The following CHMP4C variants were observed in gnomAD, a reference collection of about 807,000 sequenced individuals.
The protein encoded by CHMP4C is SNF7 homolog associated with Alix 3.
In CHMP4C, 28 loss-of-function variants were observed where a neutral mutation model predicts 29.0. The observed-to-expected ratio is 0.97, with a 90% CI of 0.72 to 1.32. The LOEUF is 1.32. Ranked by LOEUF, CHMP4C falls within the 40% of genes most tolerant of loss-of-function variation. The probability of loss-of-function intolerance (pLI) is 0.00; values close to 1 mark genes in which losing one functional copy is unlikely to be tolerated. For missense variants in CHMP4C, 291 were observed against 281.0 expected (o/e 1.04, Z -0.25); for synonymous variants, 106 against 102.4 (o/e 1.04, Z -0.21).
chr8:81,738,039 G>A (rs1271928277), intron 1 of CHMP4C, among the ~76,000 whole-genome samples: 1 of 152,202 alleles, frequency 6.6e-6, no homozygotes, highest in Admixed American at 6.5e-5. Context: ...ACTAGGGGCA[G>A]GTCAAGGATG....
rs116034942 is a variant in CHMP4C at position 81,749,877 on chromosome 8, G to A, written c.191-3187G>A. Among the ~76,000 whole-genome samples, 1,012 of 152,270 alleles carry A rather than the reference G, an allele frequency of 6.6e-3. 9 individuals carry two copies. The highest frequency in any genetic ancestry group is 0.023 in the African/African-American group (950 of 41,546). On this transcript the variant is annotated intron_variant, in intron 1 of 4. Transcript: ENST00000297265. ...GAACTTGTTGGATATTGGAGTAAAG[G>A]TCACTATTGCTATGCAAAGAGACTG...
At position 81,747,282 on chromosome 8, in the gene CHMP4C, T is replaced by G. The variant is rs1484404189; in HGVS notation, c.191-5782T>G. ...TTTTCTAGATTTTCAGAAAGTTATCTAAAATTAATTTTTACTAAGAAATAT... is the reference window on the plus strand; with the variant it reads ...TTTTCTAGATTTTCAGAAAGTTATCGAAAATTAATTTTTACTAAGAAATAT... On this transcript the variant is annotated intron_variant, in intron 1 of 4. Transcript: ENST00000297265. Among the ~76,000 whole-genome samples the G allele has an allele frequency of 3.3e-5, 5 of 151,958 alleles. No homozygotes were observed. In the South Asian group the frequency reaches 8.3e-4, roughly 25 times the overall value.
At chr8:81,736,200 G>A (rs1484913514) in intron 1 of CHMP4C, among the ~76,000 whole-genome samples, 2 of 151,798 alleles carry the variant, frequency 1.3e-5, no homozygotes, top group Non-Finnish European at 2.9e-5. Context: ...TTGTCACTTA[G>A]GCTGGATTGC....
At chr8:81,740,258 G>C (rs1254302510) in intron 1 of CHMP4C, among the ~76,000 whole-genome samples, 6 of 152,184 alleles carry the variant, frequency 3.9e-5, no homozygotes, top group Admixed American at 3.9e-4. Flanking sequence ...CAGTTTCATG[G>C]AAGACAATTT....
rs151092022 is a variant in CHMP4C, at chr8:81,749,649, A to G, written c.191-3415A>G. Among the ~76,000 whole-genome samples, 4 of 152,282 alleles carry G rather than the reference A, an allele frequency of 2.6e-5. No individual in the cohort carries two copies. The East Asian group carries it at 5.8e-4, about 22-fold the overall frequency. On this transcript the variant is annotated intron_variant, in intron 1 of 4. Transcript: ENST00000297265. ...TTTAATTCTACCTAAACCACTTAATACCTGTGTGTAATAATCATGATGCAT... is the reference window on the plus strand; with the variant it reads ...TTTAATTCTACCTAAACCACTTAATGCCTGTGTGTAATAATCATGATGCAT...
chr8:81,736,274 G>T (rs1006322617), intron 1 of CHMP4C, among the ~76,000 whole-genome samples: 14 of 150,880 alleles, frequency 9.3e-5, no homozygotes, highest in Non-Finnish European at 2.1e-4. Flanking sequence ...TTCCACCTCA[G>T]CTTCCTGAGT....
chr8:81,758,328 A>G, intron 4 of CHMP4C, 33 bp downstream of exon 4: 1 of 1,609,776 alleles, frequency 6.2e-7, no homozygotes, highest in East Asian at 2.2e-5. Flanking sequence ...ATGTGGTCAG[A>G]TAGTTGCCTA....
intron 1 of CHMP4C, among the ~76,000 whole-genome samples, chr8:81,736,330 T>C (rs1301044768): frequency 6.0e-5 from 9 of 151,044 alleles, no homozygotes. Flanking sequence ...TATTTAATTT[T>C]CTTTTTTTTT....
At chr8:81,755,283 A>G (rs1251652286) in intron 2 of CHMP4C, 87 bp from the exon 3 acceptor site, 1 of 583,710 alleles carries the variant, frequency 1.7e-6, no homozygotes, top group African/African-American at 1.9e-5. Flanking sequence ...TTTATATTAA[A>G]TGAACTGACT....
Position 81,759,452 on chromosome 8 carries a change from T to C in CHMP4C, c.*908T>C, listed in dbSNP as rs752417211. 8 of 151,966 alleles carry C rather than the reference T, an allele frequency of 5.3e-5. No individual in the cohort carries two copies. The highest frequency in any genetic ancestry group is 8.8e-5 in the Non-Finnish European group (6 of 67,980). The allele number at this position is 151,966 out of a possible 1,614,324, so 9.4% of individuals were successfully genotyped here. A position where few individuals can be genotyped will look rare whatever the true frequency, so the allele number is the denominator to read the frequency against. ...TGCTCTCTTGTACATTTATTTACCC[T>C]TTACAGAATATTTCTTGTAAATACA... On this transcript the variant is annotated 3_prime_UTR_variant, in exon 5 of 5. Transcript: ENST00000297265.
At chr8:81,747,137 C>T (rs1006230181) in intron 1 of CHMP4C, among the ~76,000 whole-genome samples, 1 of 152,132 alleles carries the variant, frequency 6.6e-6, no homozygotes, top group African/African-American at 2.4e-5. Flanking sequence ...GGTGAGGGAA[C>T]ATCACTTAAA....
rs529850829 is a variant in CHMP4C, at chr8:81,746,061, G to A, written c.191-7003G>A. Reference sequence around the variant, plus strand: ...CTGTCCAGCTCATGATGTATCAGTGGCATCATCGTTTCATATAAGGAACAG... The same window carrying A: ...CTGTCCAGCTCATGATGTATCAGTGACATCATCGTTTCATATAAGGAACAG... On this transcript the variant is annotated intron_variant, in intron 1 of 4. Transcript: ENST00000297265. 4.6e-5 allele frequency among the ~76,000 whole-genome samples: 7 copies of A among 152,104 alleles called. No homozygotes were observed. In the South Asian group the frequency reaches 1.4e-3, roughly 32 times the overall value.
intron 3 of CHMP4C, among the ~76,000 whole-genome samples, chr8:81,757,415 T>C (rs929228992): frequency 1.3e-5 from 2 of 152,184 alleles, no homozygotes; most frequent in African/African-American, 4.8e-5. Flanking sequence ...CTGAGAGGGG[T>C]TGGACTCTAC....
intron 1 of CHMP4C, among the ~76,000 whole-genome samples, chr8:81,741,324 G>T (rs968653246): frequency 6.6e-6 from 1 of 151,986 alleles, no homozygotes; most frequent in Non-Finnish European, 1.5e-5. Flanking sequence ...AGTTTATTGA[G>T]TCAATCAAAA....
intron 1 of CHMP4C, among the ~76,000 whole-genome samples, chr8:81,740,824 T>C (rs183417521): frequency 2.6e-4 from 40 of 152,338 alleles, no homozygotes; most frequent in African/African-American, 8.9e-4. Flanking sequence ...CAGGAGATTC[T>C]GTTTCAAGGG....
chr8:81,739,418 T>TGGCGG (rs1554592450), intron 1 of CHMP4C, among the ~76,000 whole-genome samples: 5 of 93,578 alleles, frequency 5.3e-5, no homozygotes, highest in East Asian at 4.4e-4. Context: ...TGGGGGATTG[T>TGGCGG]GGGGGGGGGT....
chr8:81,755,905 C>T (rs769175209), intron 3 of CHMP4C, among the ~76,000 whole-genome samples: 24 of 152,114 alleles, frequency 1.6e-4, no homozygotes, highest in Middle Eastern at 3.2e-3. Context: ...GGCTATGAAA[C>T]CAAATAAATG....
intron 1 of CHMP4C, among the ~76,000 whole-genome samples, chr8:81,734,420 G>A (rs541397398): frequency 5.1e-4 from 78 of 151,906 alleles, no homozygotes; most frequent in Non-Finnish European, 8.5e-4. Context: ...AACCTCTGCC[G>A]CCCAGGTTCA....
chr8:81,752,559 A>G (rs1276778505), intron 1 of CHMP4C, among the ~76,000 whole-genome samples: 1 of 152,148 alleles, frequency 6.6e-6, no homozygotes, highest in Non-Finnish European at 1.5e-5. Flanking sequence ...ATTTCAGACC[A>G]AGACATACAG....
Sources: gnomAD v4.1 joint callset for allele counts (sites outside exome capture counted in the v4.1 genomes callset) on GRCh38, gnomAD v4.1.1 for gene constraint, MANE v1.5 for transcripts, NCBI Gene and HGNC (gene_info 2026-07-23, HGNC 2026-07-21) for gene names.